KIF13A: variants seen among roughly 807,000 people sequenced by gnomAD.
KIF13A encodes the protein kinesin family member 13A.
In KIF13A, 79 loss-of-function variants were observed where a neutral mutation model predicts 212.2. The observed-to-expected ratio is 0.37, with a 90% CI of 0.31 to 0.45. KIF13A has a LOEUF of 0.45. Ranked by LOEUF, KIF13A falls within the 20% of genes least tolerant of loss-of-function variation. The probability of loss-of-function intolerance (pLI) is 1.00; values close to 1 mark genes in which losing one functional copy is unlikely to be tolerated. For synonymous variants in KIF13A, 789 were observed against 808.6 expected, an observed-to-expected ratio of 0.98 and a Z score of 0.41; for missense variants, 1,901 against 2,209.0, an observed-to-expected ratio of 0.86 and a Z score of 2.79.
rs1772973480 is a variant in KIF13A, at chr6:17,900,708, A to G, written c.147-2528T>C. ...CATTCACTGATACAACCTGTACTTC[A>G]TTCATTGATACACCCTGTAATTCAT... On this transcript the variant is annotated intron_variant, in intron 2 of 38. Coordinates refer to ENST00000259711, the MANE Select transcript of KIF13A (RefSeq NM_022113.6). The surrounding 1 kb of genome is among the most constrained non-coding windows in gnomAD (Gnocchi z 4.6). Among the ~76,000 whole-genome samples the G allele has an allele frequency of 6.6e-6, 1 of 152,168 alleles. No homozygotes were observed. The highest frequency in any genetic ancestry group is 6.5e-5 in the Admixed American group (1 of 15,274).
At position 17,888,276 on chromosome 6, in the gene KIF13A, A is replaced by G. The variant is rs1561723881; in HGVS notation, c.159+9892T>C. Among the ~76,000 whole-genome samples the G allele has an allele frequency of 6.6e-6, 1 of 152,214 alleles. No individual in the cohort carries two copies. ...GAGCCTAGGAAACAATTCCTAGGAA[A>G]AACGTATAGTGAGAAGGTTATGCTG... On this transcript the variant is annotated intron_variant, in intron 3 of 38. Coordinates refer to ENST00000259711, the MANE Select transcript of KIF13A (RefSeq NM_022113.6). This position sits in a 1 kb window ranked among gnomAD's most constrained non-coding sequence, Gnocchi z 4.8.
intron 16 of KIF13A, among the ~76,000 whole-genome samples, chr6:17,817,555 T>C (rs557322712): frequency 3.3e-5 from 5 of 152,328 alleles, no homozygotes; most frequent in African/African-American, 1.2e-4. Context: ...TGTGATCTTA[T>C]CCACTGGGAA....
intron 2 of KIF13A, among the ~76,000 whole-genome samples, chr6:17,977,049 C>A (rs1780599021): frequency 6.6e-6 from 1 of 150,740 alleles, no homozygotes; most frequent in Admixed American, 6.6e-5. Context: ...TTGCAGTGAG[C>A]CGAGACTGCG....
intron 16 of KIF13A, chr6:17,821,869 G>A (rs1279831503): frequency 6.5e-7 from 1 of 1,535,278 alleles, no homozygotes; most frequent in Non-Finnish European, 8.7e-7. Flanking sequence ...CCAAGGGGAT[G>A]ACCACCAGGC....
In KIF13A at chr6:17,987,147, GA is replaced by G; in HGVS notation, c.56-4del. On this transcript the variant is annotated splice_region_variant and splice_polypyrimidine_tract_variant and intron_variant, in intron 1 of 38. Coordinates refer to ENST00000259711, the MANE Select transcript of KIF13A (RefSeq NM_022113.6). The surrounding 1 kb of genome is among the most constrained non-coding windows in gnomAD (Gnocchi z 7.7). The stretch of plus-strand genomic sequence containing the variant: ...GCACTTGGTGTTCAGTTCCAGTTCT[GA>G]AAGCAGAGAGAAAGGGACGTTGCAA... 6.2e-7 allele frequency: 1 copy of G among 1,608,884 alleles called. No individual in the cohort carries two copies. Among genetic ancestry groups the G allele is most frequent in the South Asian group, 1.1e-5 (1 of 90,642 alleles).
In KIF13A at chr6:17,868,943, C is replaced by T. The variant is rs188246734; in HGVS notation, c.220+4434G>A. On this transcript the variant is annotated intron_variant, in intron 4 of 38. Coordinates refer to ENST00000259711, the MANE Select transcript of KIF13A (RefSeq NM_022113.6). Reference sequence around the variant, plus strand: ...CAAGGAGGCGGAGGTTGCAGTGAGCCGAGATCGTGCCACTGCACTCTGGGC... The same window carrying T: ...CAAGGAGGCGGAGGTTGCAGTGAGCTGAGATCGTGCCACTGCACTCTGGGC... Among the ~76,000 whole-genome samples, 55 of 129,856 alleles carry T rather than the reference C, an allele frequency of 4.2e-4. No homozygotes were observed. The East Asian group carries it at 4.6e-3, about 11-fold the overall frequency. 85.2% of individuals were successfully genotyped at this position (129,856 alleles called of 152,430 possible). A position where few individuals can be genotyped will look rare whatever the true frequency, so the allele number is the denominator to read the frequency against.
chr6:17,964,296 A>T lies in KIF13A; in HGVS notation c.146+22758T>A, dbSNP rs570343559. Among the ~76,000 whole-genome samples, 13 of 152,352 alleles carry T rather than the reference A, an allele frequency of 8.5e-5. No homozygotes were observed. The South Asian group carries it at 2.3e-3, about 27-fold the overall frequency. ...CTTATAAAACAAACACCCTTGAAAA[A>T]TATAACTGATAATCAGAAAAGCCCA... is the stretch of plus-strand genomic sequence containing the variant. On this transcript the variant is annotated intron_variant, in intron 2 of 38. Transcript: ENST00000259711.
Position 17,799,168 on chromosome 6 carries a change from A to C in KIF13A, c.2790+98T>G. 1.4e-6 allele frequency: 1 copy of C among 736,670 alleles called. No homozygotes were observed. The highest frequency in any genetic ancestry group is 2.0e-6 in the Non-Finnish European group (1 of 502,532). The allele number at this position is 736,670 out of a possible 1,614,324, so 45.6% of individuals were successfully genotyped here. A position where few individuals can be genotyped will look rare whatever the true frequency, so the allele number is the denominator to read the frequency against. On this transcript the variant is annotated intron_variant, in intron 22 of 38. Transcript: ENST00000259711. The surrounding 1 kb of genome is among the most constrained non-coding windows in gnomAD (Gnocchi z 4.4). ...TGAGGTTAAAACATCTAATAAACAT[A>C]TTATACTTAAAACAAATGCTTGTGG...
intron 3 of KIF13A, among the ~76,000 whole-genome samples, chr6:17,876,622 A>AGCATGCAT (rs763732794): frequency 2.1e-5 from 2 of 97,174 alleles, no homozygotes; most frequent in African/African-American, 8.8e-5. Context: ...TGTGTGAGAC[A>AGCATGCAT]GCATTCATTC....
chr6:17,816,732 A>G lies in KIF13A; in HGVS notation c.2000+288T>C, dbSNP rs927363609. Reference sequence around the variant, plus strand: ...GCTTTTGTGTTAAAGAAATTATTCAAACTTTCTAAATTTCAATACATACCT... The same window carrying G: ...GCTTTTGTGTTAAAGAAATTATTCAGACTTTCTAAATTTCAATACATACCT... On this transcript the variant is annotated intron_variant, in intron 17 of 38. Transcript: ENST00000259711. The surrounding 1 kb of genome is among the most constrained non-coding windows in gnomAD (Gnocchi z 4.3). Among the ~76,000 whole-genome samples the G allele has an allele frequency of 1.3e-5, 2 of 152,238 alleles. No individual in the cohort carries two copies. The highest frequency in any genetic ancestry group is 2.9e-5 in the Non-Finnish European group (2 of 68,044).
At chr6:17,932,215 C>G (rs1305015205) in intron 2 of KIF13A, among the ~76,000 whole-genome samples, 2 of 152,114 alleles carry the variant, frequency 1.3e-5, no homozygotes, top group Non-Finnish European at 2.9e-5. Flanking sequence ...GGTAGACATA[C>G]TGTTTAAAAT....
At chr6:17,981,019 G>C (rs1483626111) in intron 2 of KIF13A, among the ~76,000 whole-genome samples, 1 of 137,594 alleles carries the variant, frequency 7.3e-6, no homozygotes, top group Non-Finnish European at 1.6e-5. Context: ...AAATGAAGAG[G>C]GGGACTTTTT....
intron 2 of KIF13A, among the ~76,000 whole-genome samples, chr6:17,920,201 G>A (rs538504549): frequency 6.6e-6 from 1 of 152,128 alleles, no homozygotes; most frequent in Non-Finnish European, 1.5e-5. Context: ...AGGTGCAACT[G>A]GGTATGCCCA....
At chr6:17,779,957 A>G (rs1226214886) in intron 31 of KIF13A, among the ~76,000 whole-genome samples, 5 of 151,222 alleles carry the variant, frequency 3.3e-5, no homozygotes, top group Non-Finnish European at 7.4e-5. Flanking sequence ...CGTGTTAGCC[A>G]GGATGGTCTC....
intron 2 of KIF13A, among the ~76,000 whole-genome samples, chr6:17,948,792 C>G (rs1233316514): frequency 6.6e-6 from 1 of 151,918 alleles, no homozygotes; most frequent in Non-Finnish European, 1.5e-5. Flanking sequence ...TCTCAAACTC[C>G]TGACCTCAAA....
Position 17,796,765 on chromosome 6 carries a change from A to G in KIF13A, c.2846T>C (p.Leu949Pro). The G allele has an allele frequency of 6.3e-7, 1 of 1,582,508 alleles. No homozygotes were observed. Among genetic ancestry groups the G allele is most frequent in the Non-Finnish European group, 8.6e-7 (1 of 1,162,380 alleles). ...EFLEFISDGA[L>P]AIEVWGHRCA... The stretch of plus-strand genomic sequence containing the variant: ...CCGGTGGCCCCATACTTCAATGGCC[A>G]GTGCTCCATCTGAAATGAACTCCAG... Residue 949 changes from leucine (L) to proline (P), a missense_variant, in exon 23 of 39, where the codon CTG (leucine) becomes CCG (proline). By Grantham distance (98) the Leu-to-Pro change is moderately conservative. Transcript: ENST00000259711.
intron 2 of KIF13A, among the ~76,000 whole-genome samples, chr6:17,979,984 T>G (rs1780914388): frequency 6.6e-6 from 1 of 152,038 alleles, no homozygotes; most frequent in Non-Finnish European, 1.5e-5. Context: ...CTAAGAGGTG[T>G]TCCAGAAAAA....
chr6:17,975,104 G>A (rs60993060), intron 2 of KIF13A, among the ~76,000 whole-genome samples: 1 of 152,130 alleles, frequency 6.6e-6, no homozygotes, highest in East Asian at 1.9e-4. Context: ...AGAACTTTGA[G>A]AGAAAGAGGA....
intron 2 of KIF13A, among the ~76,000 whole-genome samples, chr6:17,906,995 T>C (rs193182031): frequency 6.6e-6 from 1 of 152,162 alleles, no homozygotes; most frequent in Admixed American, 6.5e-5. Context: ...ATTTCAGAGG[T>C]AGCACATTTC....
Sources: allele counts gnomAD v4.1 joint callset (sites outside exome capture counted in the v4.1 genomes callset), GRCh38; gene constraint gnomAD v4.1.1; non-coding constraint Gnocchi (gnomAD v3.1); transcripts MANE v1.5; gene names NCBI Gene and HGNC (gene_info 2026-07-23, HGNC 2026-07-21).